Variants in LRRC75A observed in about 807,000 individuals in gnomAD.
The protein encoded by LRRC75A is leucine rich repeat containing 75A.
Under a neutral mutation model 26.0 loss-of-function variants are expected in LRRC75A, and 12 were observed. That is an observed-to-expected ratio of 0.46 (90% CI 0.30 to 0.75). LRRC75A has a LOEUF of 0.75. LRRC75A is among the 30% of genes least tolerant of loss of function. The pLI, the probability that LRRC75A is intolerant of heterozygous loss-of-function variation, is 0.08. For missense variants in LRRC75A, 410 were observed against 486.6 expected, an observed-to-expected ratio of 0.84 and a Z score of 1.48; for synonymous variants, 223 against 219.3, an observed-to-expected ratio of 1.02 and a Z score of -0.15.
chr17:16,491,681 G>GCC lies in LRRC75A; in HGVS notation c.246+62_246+63dup, dbSNP rs574357045. ...CGGCTTCCTCGGTTAGGGATGGGGC[G>GCC]CCCCCCCCGGCCCAGCACGCCCCCT... is the stretch of plus-strand genomic sequence containing the variant. On this transcript the variant is annotated intron_variant, in intron 1 of 3. Transcript: ENST00000470794. The surrounding 1 kb of genome is among the most constrained non-coding windows in gnomAD (Gnocchi z 5.9). The GCC allele has an allele frequency of 1.7e-5, 19 of 1,151,198 alleles. No individual in the cohort carries two copies. In the African/African-American group the frequency reaches 1.7e-4, roughly 10 times the overall value. The allele number at this position is 1,151,198 out of a possible 1,614,324, so 71.3% of individuals were successfully genotyped here. A position where few individuals can be genotyped will look rare whatever the true frequency, so the allele number is the denominator to read the frequency against.
rs764894272 is a variant in LRRC75A, at chr17:16,491,536, G to A, written c.246+209C>T. Among the ~76,000 whole-genome samples, 17 of 152,342 alleles carry A rather than the reference G, an allele frequency of 1.1e-4. No individual in the cohort carries two copies. The highest frequency in any genetic ancestry group is 3.4e-3 in the Middle Eastern group (1 of 294). ...GGTCCCCTTCGGCGGGCCTCACCCG[G>A]CCAGCCTTCCTCCGCCCTGCCCTGA... On this transcript the variant is annotated intron_variant, in intron 1 of 3. Coordinates refer to ENST00000470794, the MANE Select transcript of LRRC75A (RefSeq NM_001113567.3). This position sits in a 1 kb window ranked among gnomAD's most constrained non-coding sequence, Gnocchi z 5.9.
In LRRC75A at chr17:16,443,408, C is replaced by CACATGCAG; in HGVS notation, c.*179_*180insCTGCATGT. The CACATGCAG allele has an allele frequency of 1.8e-6, 1 of 571,018 alleles. No homozygotes were observed. The highest frequency in any genetic ancestry group is 3.2e-5 in the Admixed American group (1 of 31,656). The allele number at this position is 571,018 out of a possible 1,614,324, so 35.4% of individuals were successfully genotyped here. A position where few individuals can be genotyped will look rare whatever the true frequency, so the allele number is the denominator to read the frequency against. On this transcript the variant is annotated 3_prime_UTR_variant, in exon 4 of 4. Coordinates refer to ENST00000470794, the MANE Select transcript of LRRC75A (RefSeq NM_001113567.3). The stretch of plus-strand genomic sequence containing the variant: ...ATAGGGGGCAGATGCAGAGGACCAA[C>CACATGCAG]GGGAAGTTTTAACACAAATCCCCTT...
intron 1 of LRRC75A, among the ~76,000 whole-genome samples, chr17:16,476,894 A>G (rs1024133413): frequency 6.6e-5 from 10 of 151,732 alleles, no homozygotes; most frequent in African/African-American, 1.2e-4. Context: ...GCCCACCACC[A>G]CGCCTGGCTA....
intron 2 of LRRC75A, chr17:16,448,201 G>GGATTCCAGGA (rs2093602640): frequency 2.1e-6 from 1 of 479,348 alleles, no homozygotes; most frequent in Non-Finnish European, 3.9e-6. Flanking sequence ...ATGTAAGTCT[G>GGATTCCAGGA]GATTCCAGGA....
chr17:16,443,546 C>T lies in LRRC75A; in HGVS notation c.*42G>A. 6.9e-7 allele frequency: 1 copy of T among 1,456,390 alleles called. No homozygotes were observed. Among genetic ancestry groups the T allele is most frequent in the Non-Finnish European group, 9.1e-7 (1 of 1,097,320 alleles). The allele number at this position is 1,456,390 out of a possible 1,614,324, so 90.2% of individuals were successfully genotyped here. ...CCCTCCCCTGCCTGCCTTGCCCATT[C>T]TACCCAACAAGGACTCCCTGGTGAG... is the stretch of plus-strand genomic sequence containing the variant. On this transcript the variant is annotated 3_prime_UTR_variant, in exon 4 of 4. Coordinates refer to ENST00000470794, the MANE Select transcript of LRRC75A (RefSeq NM_001113567.3).
chr17:16,446,361 C>T (rs879619477), intron 3 of LRRC75A, among the ~76,000 whole-genome samples: 2 of 152,124 alleles, frequency 1.3e-5, no homozygotes, highest in Non-Finnish European at 2.9e-5. Flanking sequence ...GAGTGTGGGG[C>T]GATACTGTAG....
chr17:16,464,651 A>C (rs575469665), intron 1 of LRRC75A, among the ~76,000 whole-genome samples: 2 of 152,304 alleles, frequency 1.3e-5, no homozygotes, highest in East Asian at 3.9e-4. Context: ...CCAATTGAGA[A>C]TGTGTCAAAA....
At chr17:16,474,669 A>G (rs557497431) in intron 1 of LRRC75A, among the ~76,000 whole-genome samples, 21 of 152,230 alleles carry the variant, frequency 1.4e-4, no homozygotes, top group Non-Finnish European at 2.1e-4. Flanking sequence ...CCCTCTCTGC[A>G]GTACATTCTG....
chr17:16,473,812 C>CGACGGT (rs933496006), intron 1 of LRRC75A, among the ~76,000 whole-genome samples: 1 of 152,190 alleles, frequency 6.6e-6, no homozygotes, highest in African/African-American at 2.4e-5. Flanking sequence ...TGGCCCTCCT[C>CGACGGT]GACGGTGACG....
Position 16,474,492 on chromosome 17 carries a change from C to T in LRRC75A, c.247-12106G>A, listed in dbSNP as rs548595729. Among the ~76,000 whole-genome samples, 14 of 152,296 alleles carry T rather than the reference C, an allele frequency of 9.2e-5. No homozygotes were observed. In the South Asian group the frequency reaches 2.3e-3, roughly 25 times the overall value. On this transcript the variant is annotated intron_variant, in intron 1 of 3. Transcript: ENST00000470794. ...CAGGACCTCTTGTGGGACTCAGATT[C>T]TGCAGTATGCCTGGGGCCAGATGGT...
intron 1 of LRRC75A, among the ~76,000 whole-genome samples, chr17:16,487,626 G>C (rs935767703): frequency 6.6e-6 from 1 of 152,236 alleles, no homozygotes; most frequent in Admixed American, 6.5e-5. Context: ...TGCATTTGTA[G>C]AGACAGCCAT....
intron 2 of LRRC75A, among the ~76,000 whole-genome samples, chr17:16,456,336 G>A (rs1363971176): frequency 6.9e-6 from 1 of 144,300 alleles, no homozygotes; most frequent in African/African-American, 2.6e-5. Flanking sequence ...AGGAAGAGGA[G>A]GAGGAAGAGA....
At chr17:16,482,495 C>T (rs1308305244) in intron 1 of LRRC75A, among the ~76,000 whole-genome samples, 2 of 152,142 alleles carry the variant, frequency 1.3e-5, no homozygotes, top group Non-Finnish European at 2.9e-5. Context: ...GCTTGAGGAC[C>T]AGGGCCGCTG....
chr17:16,468,743 G>T (rs1257747371), intron 1 of LRRC75A, among the ~76,000 whole-genome samples: 1 of 152,154 alleles, frequency 6.6e-6, no homozygotes, highest in East Asian at 1.9e-4. Context: ...TTTAAAAGGG[G>T]CCAGGCCCGG....
rs35125617 is a variant in LRRC75A, at chr17:16,485,631, AGTGT to A, written c.246+6110_246+6113del. Among the ~76,000 whole-genome samples the A allele has an allele frequency of 9.6e-3, 1,231 of 128,318 alleles. 15 individuals carry two copies. Among genetic ancestry groups the A allele is most frequent in the African/African-American group, 0.021 (675 of 31,644 alleles). The allele number at this position is 128,318 out of a possible 152,430, so 84.2% of individuals were successfully genotyped here. On this transcript the variant is annotated intron_variant, in intron 1 of 3. Transcript: ENST00000470794. ...ACAGCCAGGAGGAGCCAGGACAAGC[AGTGT>A]GTGTGTGTGTGTGTGTGTGTGTGTG...
intron 1 of LRRC75A, among the ~76,000 whole-genome samples, chr17:16,474,837 C>G (rs1189845898): frequency 6.6e-6 from 1 of 151,398 alleles, no homozygotes; most frequent in Non-Finnish European, 1.5e-5. Flanking sequence ...ATTGAAAGTA[C>G]AAAAAATTAG....
rs2093858515 is a variant in LRRC75A, at chr17:16,491,955, C to T, written c.36G>A (p.Glu12=). ...CCGGCGCGGCGCCGGGGCTGGCTCTCTCCGCCAGGCTGCCCTTGGTCTGCC... is the reference window on the plus strand; with the variant it reads ...CCGGCGCGGCGCCGGGGCTGGCTCTTTCCGCCAGGCTGCCCTTGGTCTGCC... ...GTRQTKGSLA[E]RASPGAAPGP... The change falls in exon 1 of 4, where the codon GAG becomes GAA. Residue 12 remains glutamate (E), a synonymous_variant. Transcript: ENST00000470794. The surrounding 1 kb of genome is among the most constrained non-coding windows in gnomAD (Gnocchi z 5.9). 1 of 1,225,162 alleles carries T rather than the reference C, an allele frequency of 8.2e-7. No homozygotes were observed. Among genetic ancestry groups the T allele is most frequent in the East Asian group, 3.6e-5 (1 of 27,476 alleles). The allele number at this position is 1,225,162 out of a possible 1,614,324, so 75.9% of individuals were successfully genotyped here.
At chr17:16,486,730 C>T (rs983737765) in intron 1 of LRRC75A, among the ~76,000 whole-genome samples, 2 of 152,222 alleles carry the variant, frequency 1.3e-5, no homozygotes, top group Admixed American at 1.3e-4. Context: ...TCCAAGAACA[C>T]CACCGCCTGG....
rs1399776598 is a variant in LRRC75A at position 16,457,828 on chromosome 17, G to C, written c.375+4430C>G. Among the ~76,000 whole-genome samples, 5 of 151,328 alleles carry C rather than the reference G, an allele frequency of 3.3e-5. No individual in the cohort carries two copies. The East Asian group carries it at 9.7e-4, about 29-fold the overall frequency. ...CAAGAAAAAAAAAAACAAAAAATTA[G>C]CTAGGCATGGTGGTGCCTGCCTGCA... On this transcript the variant is annotated intron_variant, in intron 2 of 3. Coordinates refer to ENST00000470794, the MANE Select transcript of LRRC75A (RefSeq NM_001113567.3).
Sources: gnomAD v4.1 joint callset for allele counts (sites outside exome capture counted in the v4.1 genomes callset) on GRCh38, gnomAD v4.1.1 for gene constraint, Gnocchi (gnomAD v3.1) non-coding constraint, MANE v1.5 for transcripts, NCBI Gene and HGNC (gene_info 2026-07-23, HGNC 2026-07-21) for gene names.